Variants in TFEC observed in about 807,000 individuals in gnomAD.
TFEC encodes the protein class E basic helix-loop-helix protein 34.
Under a neutral mutation model 41.6 loss-of-function variants are expected in TFEC, and 31 were observed. That is an observed-to-expected ratio of 0.74 (90% CI 0.56 to 1.01). The LOEUF is 1.01. Among genes scored for constraint, TFEC ranks in the 50% least tolerant of loss-of-function variants. TFEC has a pLI of 0.00. For synonymous variants in TFEC, 143 were observed against 140.6 expected, an observed-to-expected ratio of 1.02 and a Z score of -0.12; for missense variants, 402 against 404.1, an observed-to-expected ratio of 0.99 and a Z score of 0.04.
intron 3 of TFEC, among the ~76,000 whole-genome samples, chr7:115,969,590 G>A (rs1156484410): frequency 6.6e-6 from 1 of 151,982 alleles, no homozygotes; most frequent in Non-Finnish European, 1.5e-5. Flanking sequence ...TGAAGTCAAA[G>A]GGAAGTGCTG....
chr7:116,007,416 G>T (rs1376456814), intron 1 of TFEC, among the ~76,000 whole-genome samples: 2 of 152,130 alleles, frequency 1.3e-5, no homozygotes, highest in Admixed American at 6.6e-5. Context: ...TTACCTATTT[G>T]CATTTGAATT....
rs543231337 is a variant in TFEC, at chr7:116,136,661, ATTTTGAAAAAT to A, written c.-69+23118_-69+23128del. Reference sequence around the variant, plus strand: ...ATAATGTTAACTCATTGACTTTCAAATTTTGAAAAATCAGTTGATTCTTGAATACTGTCCTA... The same window carrying A: ...ATAATGTTAACTCATTGACTTTCAAACAGTTGATTCTTGAATACTGTCCTA... On this transcript the variant is annotated intron_variant, in intron 1 of 8. Transcript: ENST00000484212. 1.2e-4 allele frequency among the ~76,000 whole-genome samples: 18 copies of A among 152,020 alleles called. No individual in the cohort carries two copies. The East Asian group carries it at 3.5e-3, about 29-fold the overall frequency.
intron 1 of TFEC, among the ~76,000 whole-genome samples, chr7:116,020,411 T>C (rs1795350217): frequency 6.6e-6 from 1 of 152,172 alleles, no homozygotes. Context: ...AGATGATCGC[T>C]GAAACATTAT....
Position 116,043,374 on chromosome 7 carries a change from GT to G in TFEC, c.199-58862del, listed in dbSNP as rs988510928. On this transcript the variant is annotated intron_variant, in intron 3 of 8. Transcript: ENST00000484212. Reference sequence around the variant, plus strand: ...CACACTCTACAAACAGAAGACCAAAGTTTTTTAAACCTATATGAACTACAAG... The same window carrying G: ...CACACTCTACAAACAGAAGACCAAAGTTTTTAAACCTATATGAACTACAAG... Among the ~76,000 whole-genome samples, 32 of 152,012 alleles carry G rather than the reference GT, an allele frequency of 2.1e-4. 1 individual carries two copies. Among genetic ancestry groups the G allele is most frequent in the African/African-American group, 6.7e-4 (28 of 41,482 alleles).
chr7:116,121,387 G>A (rs936672395), intron 1 of TFEC: 1 of 151,984 alleles, frequency 6.6e-6, no homozygotes, highest in Admixed American at 6.6e-5. Flanking sequence ...CCAATTAGTG[G>A]TTGTCAGAAG....
chr7:115,996,279 G>A (rs1055622180), intron 1 of TFEC, among the ~76,000 whole-genome samples: 5 of 151,996 alleles, frequency 3.3e-5, no homozygotes, highest in Non-Finnish European at 5.9e-5. Context: ...GCAGAGTCTC[G>A]AGGCCCTCAT....
rs1300146002 is a variant in TFEC at position 115,969,881 on chromosome 7, T to C, written c.267+4289A>G. Among the ~76,000 whole-genome samples the C allele has an allele frequency of 2.6e-5, 4 of 152,074 alleles. No homozygotes were observed. The East Asian group carries it at 7.8e-4, about 30-fold the overall frequency. ...AAAAACATATTGATAGATGTGAGTATGGGAGTAAGAGAGAGAAAAGCAAAG... is the reference window on the plus strand; with the variant it reads ...AAAAACATATTGATAGATGTGAGTACGGGAGTAAGAGAGAGAAAAGCAAAG... On this transcript the variant is annotated intron_variant, in intron 3 of 7. Transcript: ENST00000265440.
chr7:116,118,225 T>C (rs1025372165), intron 1 of TFEC, among the ~76,000 whole-genome samples: 7 of 151,840 alleles, frequency 4.6e-5, no homozygotes, highest in African/African-American at 1.7e-4. Flanking sequence ...TCCATATCAC[T>C]ACTGATGGTC....
At chr7:115,972,431 A>G (rs1793175935) in intron 3 of TFEC, among the ~76,000 whole-genome samples, 1 of 152,132 alleles carries the variant, frequency 6.6e-6, no homozygotes, top group Non-Finnish European at 1.5e-5. Flanking sequence ...TGTCTGGACT[A>G]GAAATGGGTT....
At chr7:116,090,747 T>A (rs1797307243) in intron 3 of TFEC, among the ~76,000 whole-genome samples, 1 of 152,144 alleles carries the variant, frequency 6.6e-6, no homozygotes, top group South Asian at 2.1e-4. Context: ...ACATAGATAC[T>A]TTGCACGTGC....
At chr7:116,033,405 C>T (rs1795834626), upstream of TFEC, among the ~76,000 whole-genome samples, 1 of 152,074 alleles carries the variant, frequency 6.6e-6, no homozygotes, top group Non-Finnish European at 1.5e-5. Context: ...GTACCTAGAG[C>T]AGGGCTAGTA....
upstream of TFEC, among the ~76,000 whole-genome samples, chr7:116,032,823 T>C (rs73218458): frequency 0.18 from 27,558 of 152,090 alleles, 2,546 homozygotes; most frequent in East Asian, 0.33. Flanking sequence ...CATGTATCAC[T>C]GAACTTAAAA....
intron 5 of TFEC, 46 bp downstream of exon 5, chr7:115,954,540 T>C: frequency 6.5e-7 from 1 of 1,528,500 alleles, no homozygotes; most frequent in Non-Finnish European, 9.0e-7. Flanking sequence ...TTAACCTCTA[T>C]GCATTTCCTT....
chr7:115,973,712 A>G (rs1353992805), intron 3 of TFEC, among the ~76,000 whole-genome samples: 1 of 151,988 alleles, frequency 6.6e-6, no homozygotes, highest in Non-Finnish European at 1.5e-5. Flanking sequence ...ACCTCTGGCT[A>G]TTGGCTTAGA....
chr7:115,947,382 G>A (rs1177344145), intron 6 of TFEC, among the ~76,000 whole-genome samples: 3 of 151,066 alleles, frequency 2.0e-5, no homozygotes, highest in African/African-American at 7.3e-5. Context: ...ATAAACATAC[G>A]TGTGCATGTG....
Position 116,070,424 on chromosome 7 carries a change from C to A in TFEC, c.198+40284G>T, listed in dbSNP as rs191128248. ...TATTTAGAAATCTAATATTTATAAG[C>A]AACGACTGAACCAATAAATTACCTC... On this transcript the variant is annotated intron_variant, in intron 3 of 8. Transcript: ENST00000484212. 3.5e-3 allele frequency among the ~76,000 whole-genome samples: 536 copies of A among 151,426 alleles called. 11 individuals carry two copies. Among genetic ancestry groups the A allele is most frequent in the Admixed American group, 0.033 (502 of 15,142 alleles).
intron 2 of TFEC, among the ~76,000 whole-genome samples, chr7:115,981,802 A>G (rs1267812481): frequency 6.6e-6 from 1 of 151,954 alleles, no homozygotes. Flanking sequence ...AGAATTATCC[A>G]GACAAACGGT....
At chr7:115,941,127 T>C in intron 7 of TFEC, 196 bp from the exon 8 acceptor site, 1 of 573,682 alleles carries the variant, frequency 1.7e-6, no homozygotes. Flanking sequence ...AGAAAATTAC[T>C]CAGACTTTTT....
At chr7:115,942,351 C>T (rs1793550424) in intron 6 of TFEC, among the ~76,000 whole-genome samples, 1 of 151,962 alleles carries the variant, frequency 6.6e-6, no homozygotes, top group African/African-American at 2.4e-5. Flanking sequence ...TTATTATTAA[C>T]TCCAAGATTA....
Sources: allele counts gnomAD v4.1 joint callset (sites outside exome capture counted in the v4.1 genomes callset), GRCh38; gene constraint gnomAD v4.1.1; transcripts MANE v1.5; gene names NCBI Gene and HGNC (gene_info 2026-07-23, HGNC 2026-07-21).